The following UBOX5 variants were observed in gnomAD, a reference collection of about 807,000 sequenced individuals.
UBOX5 encodes U-box domain containing 5.
Under a neutral mutation model 39.0 loss-of-function variants are expected in UBOX5, and 28 were observed. The ratio of observed to expected loss-of-function variants is 0.72; its 90% CI spans 0.53 to 0.98. The LOEUF is 0.98. Ranked by LOEUF, UBOX5 falls within the 50% of genes least tolerant of loss-of-function variation. UBOX5 has a pLI of 0.00. For missense variants in UBOX5, 585 were observed against 674.4 expected, an observed-to-expected ratio of 0.87 and a Z score of 1.47; for synonymous variants, 283 against 275.5, an observed-to-expected ratio of 1.03 and a Z score of -0.27.
intron 1 of UBOX5, among the ~76,000 whole-genome samples, chr20:3,145,027 C>T (rs2066547983): frequency 6.6e-6 from 1 of 152,134 alleles, no homozygotes. Flanking sequence ...TCTGAAATGG[C>T]TCTTAAAGCA....
intron 1 of UBOX5, among the ~76,000 whole-genome samples, chr20:3,138,780 G>C (rs1400597902): frequency 6.6e-6 from 1 of 152,178 alleles, no homozygotes; most frequent in Non-Finnish European, 1.5e-5. Context: ...CCTGGGGGTA[G>C]GGAAGTGTGG....
chr20:3,152,961 A>T (rs1207702025), intron 1 of UBOX5, among the ~76,000 whole-genome samples: 6 of 152,160 alleles, frequency 3.9e-5, no homozygotes, highest in African/African-American at 1.4e-4. Flanking sequence ...TTTTTTAAAT[A>T]AAATAGCTGT....
At chr20:3,117,113 G>A (rs768844747) in intron 3 of UBOX5, among the ~76,000 whole-genome samples, 32 of 150,756 alleles carry the variant, frequency 2.1e-4, no homozygotes, top group Non-Finnish European at 3.7e-4. Flanking sequence ...AAAAGGAAAC[G>A]TGTCAAAGAG....
At chr20:3,126,980 G>A (rs1190335675) in intron 1 of UBOX5, among the ~76,000 whole-genome samples, 1 of 138,058 alleles carries the variant, frequency 7.2e-6, no homozygotes, top group Non-Finnish European at 1.5e-5. Flanking sequence ...AGTTTGCAGT[G>A]AGCCGAGATT....
chr20:3,143,615 G>T (rs559979026), intron 1 of UBOX5, among the ~76,000 whole-genome samples: 8 of 152,062 alleles, frequency 5.3e-5, no homozygotes, highest in Non-Finnish European at 7.4e-5. Flanking sequence ...CCAAGATGGC[G>T]AAACCCTGTC....
At chr20:3,148,801 T>G (rs768320896) in intron 1 of UBOX5, 19 of 1,614,244 alleles carry the variant, frequency 1.2e-5, no homozygotes, top group East Asian at 2.2e-5. Flanking sequence ...CCAGCTGCAA[T>G]GTACTGGCCT....
chr20:3,144,896 G>A (rs571687682), intron 1 of UBOX5, among the ~76,000 whole-genome samples: 232 of 152,278 alleles, frequency 1.5e-3, no homozygotes, highest in African/African-American at 5.4e-3. Flanking sequence ...ACAGGTGCTT[G>A]TGTAATTCTG....
chr20:3,143,769 G>A (rs6084273), intron 1 of UBOX5, among the ~76,000 whole-genome samples: 1 of 152,090 alleles, frequency 6.6e-6, no homozygotes, highest in East Asian at 1.9e-4. Flanking sequence ...CTCCAGCTGG[G>A]TGACAGAGTG....
chr20:3,112,508 A>T (rs2066261472), intron 4 of UBOX5, among the ~76,000 whole-genome samples: 1 of 152,100 alleles, frequency 6.6e-6, no homozygotes, highest in Non-Finnish European at 1.5e-5. Flanking sequence ...TATAACTGCA[A>T]ACTGAGGTGA....
In UBOX5 at chr20:3,121,729, T is replaced by C; in HGVS notation, c.910A>G (p.Ser304Gly). ...RSEATWGRVPSDPFTGVAFTP... is the reference protein window; with the variant it reads ...RSEATWGRVPGDPFTGVAFTP... The stretch of plus-strand genomic sequence containing the variant: ...AAAGCTACCCCCGTGAAAGGGTCAC[T>C]GGGCACTCGGCCCCATGTGGCTTCA... Residue 304 changes from serine to glycine, a missense_variant, in exon 3 of 5, where the codon AGT becomes GGT. Transcript: ENST00000217173. 2.5e-6 allele frequency: 4 copies of C among 1,614,104 alleles called. No homozygotes were observed. The highest frequency in any genetic ancestry group is 2.5e-6 in the Non-Finnish European group (3 of 1,180,012).
intron 4 of UBOX5, among the ~76,000 whole-genome samples, chr20:3,115,046 G>A (rs2066282630): frequency 6.6e-6 from 1 of 152,164 alleles, no homozygotes; most frequent in Non-Finnish European, 1.5e-5. Context: ...TCAGAGGGTG[G>A]CCAAGCCCTA....
chr20:3,113,800 G>A (rs2066273034), intron 4 of UBOX5, among the ~76,000 whole-genome samples: 2 of 152,170 alleles, frequency 1.3e-5, no homozygotes, highest in Admixed American at 1.3e-4. Context: ...AGCTCTGGAG[G>A]GCAGATGTGA....
Position 3,122,328 on chromosome 20 carries a change from G to C in UBOX5, c.311C>G (p.Pro104Arg). Reference sequence around the variant, plus strand: ...CTTGTCTGGGACAGATGGCTCAGCTGGGCCCAGGGTCCGGCACTGGGGCGT... The same window carrying C: ...CTTGTCTGGGACAGATGGCTCAGCTCGGCCCAGGGTCCGGCACTGGGGCGT... ...WNTPQCRTLGPAEPSVPDKEA... is the reference protein window; with the variant it reads ...WNTPQCRTLGRAEPSVPDKEA... Residue 104 changes from proline (P) to arginine (R), a missense_variant, in exon 3 of 5, where the codon CCA (proline) becomes CGA (arginine). Pro to Arg is a moderately radical substitution (Grantham distance 103). Coordinates refer to ENST00000217173, the MANE Select transcript of UBOX5 (RefSeq NM_014948.4). 4.3e-6 allele frequency: 7 copies of C among 1,614,202 alleles called. No individual in the cohort carries two copies. The highest frequency in any genetic ancestry group is 2.5e-6 in the Non-Finnish European group (3 of 1,180,046).
In UBOX5 at chr20:3,109,624, T is replaced by G; in HGVS notation, c.*482A>C. On this transcript the variant is annotated 3_prime_UTR_variant, in exon 5 of 5. Transcript: ENST00000217173. ...GGAAACCCACAGCAGACGTCAACCA[T>G]CGCTTTATTAAGGCTGCGAGTCGGG... The G allele has an allele frequency of 5.5e-6, 1 of 181,520 alleles. No individual in the cohort carries two copies. Among genetic ancestry groups the G allele is most frequent in the South Asian group, 1.2e-4 (1 of 8,234 alleles). 11.2% of individuals were successfully genotyped at this position (181,520 alleles called of 1,614,324 possible).
chr20:3,122,045 G>C lies in UBOX5; in HGVS notation c.594C>G (p.Ala198=). The C allele has an allele frequency of 6.2e-7, 1 of 1,614,232 alleles. No homozygotes were observed. The highest frequency in any genetic ancestry group is 8.5e-7 in the Non-Finnish European group (1 of 1,180,046). ...IKRLEVWGQP[A]KTCSQEVIDS... ...CTATCACTTCCTGGGAGCAGGTCTT[G>C]GCCGGCTGACCCCACACTTCCAACC... The change falls in exon 3 of 5, where the codon GCC becomes GCG. Residue 198 remains alanine (A), a synonymous_variant. Transcript: ENST00000217173.
intron 1 of UBOX5, among the ~76,000 whole-genome samples, chr20:3,142,529 G>A (rs1247058083): frequency 4.6e-5 from 7 of 151,304 alleles, no homozygotes; most frequent in Admixed American, 2.0e-4. Context: ...TCTTGAACCC[G>A]GGAGGTGGAG....
chr20:3,132,817 C>CA lies in UBOX5; in HGVS notation c.-41-9412dup, dbSNP rs11331937. Among the ~76,000 whole-genome samples, 61 of 124,492 alleles carry CA rather than the reference C, an allele frequency of 4.9e-4. 1 individual carries two copies. Among genetic ancestry groups the CA allele is most frequent in the Middle Eastern group, 4.1e-3 (1 of 244 alleles). 81.7% of individuals were successfully genotyped at this position (124,492 alleles called of 152,430 possible). A position where few individuals can be genotyped will look rare whatever the true frequency, so the allele number is the denominator to read the frequency against. ...TCTGGGTGACAGAGTGGGACTGTCT[C>CA]AAAAAAAAAAAAAAAAGAAATGGCT... On this transcript the variant is annotated intron_variant, in intron 1 of 4. Coordinates refer to ENST00000217173, the MANE Select transcript of UBOX5 (RefSeq NM_014948.4).
chr20:3,117,082 C>T (rs1332221958), intron 3 of UBOX5, among the ~76,000 whole-genome samples: 1 of 150,690 alleles, frequency 6.6e-6, no homozygotes, highest in Non-Finnish European at 1.5e-5. Context: ...GGTGACAGAG[C>T]GAGACTCCAT....
chr20:3,130,998 G>A (rs746693599), intron 1 of UBOX5, among the ~76,000 whole-genome samples: 3 of 151,982 alleles, frequency 2.0e-5, no homozygotes, highest in South Asian at 4.2e-4. Context: ...TTGGGAGGCC[G>A]AGGCGGGCAG....
Sources: allele counts gnomAD v4.1 joint callset (sites outside exome capture counted in the v4.1 genomes callset), GRCh38; gene constraint gnomAD v4.1.1; transcripts MANE v1.5; gene names NCBI Gene and HGNC (gene_info 2026-07-23, HGNC 2026-07-21).